TOGARAM1: variants seen among roughly 807,000 people sequenced by gnomAD.
TOGARAM1 encodes TOG array regulator of axonemal microtubules protein 1.
TOGARAM1 carries 100 observed loss-of-function variants against 166.6 expected under a neutral mutation model. That is an observed-to-expected ratio of 0.60 (90% CI 0.51 to 0.71). The LOEUF is 0.71. TOGARAM1 is among the 30% of genes least tolerant of loss of function. The probability of loss-of-function intolerance (pLI) is 0.00; values close to 1 mark genes in which losing one functional copy is unlikely to be tolerated. For synonymous variants in TOGARAM1, 758 were observed against 763.8 expected (o/e 0.99, Z 0.13); for missense variants, 2,029 against 2,102.7 (o/e 0.96, Z 0.69).
In TOGARAM1 at chr14:44,963,471, T is replaced by G. The variant is rs980771741; in HGVS notation, c.1050T>G (p.Ile350Met). The change falls in exon 1 of 20, where the codon ATT becomes ATG. Residue 350 changes from isoleucine to methionine, a missense_variant. Coordinates refer to ENST00000361462, the MANE Select transcript of TOGARAM1 (RefSeq NM_001308120.2). ...CCAACAGCAATCTTAAATTTGGGATTATTCCTCAGGAGCTGCATTCACGAT... is the reference window on the plus strand; with the variant it reads ...CCAACAGCAATCTTAAATTTGGGATGATTCCTCAGGAGCTGCATTCACGAT... Reference protein sequence around the residue: ...TLSNSNLKFGIIPQELHSRLL... With the variant: ...TLSNSNLKFGMIPQELHSRLL... The G allele has an allele frequency of 6.2e-7, 1 of 1,614,176 alleles. No individual in the cohort carries two copies. Among genetic ancestry groups the G allele is most frequent in the Non-Finnish European group, 8.5e-7 (1 of 1,180,034 alleles).
chr14:45,014,101 A>G (rs1262424322), intron 7 of TOGARAM1, among the ~76,000 whole-genome samples: 1 of 144,668 alleles, frequency 6.9e-6, no homozygotes, highest in Non-Finnish European at 1.5e-5. Context: ...GCTAGAGTGC[A>G]GTGGCGTAAT....
In TOGARAM1 at chr14:44,964,377, A is replaced by G; in HGVS notation, c.1956A>G (p.Ala652=). 6.2e-7 allele frequency: 1 copy of G among 1,613,552 alleles called. No individual in the cohort carries two copies. ...PTICTRRVLS[A]GKGKNKLPWE... is the part of the protein sequence containing the mutation. ...TCTGTACCCGAAGGGTATTAAGTGC[A>G]GGAAAAGGAAAAAATAAATTACCAT... The change falls in exon 1 of 20, where the codon GCA becomes GCG. Residue 652 remains alanine (A), a synonymous_variant. Transcript: ENST00000361462.
At chr14:45,002,947 C>G (rs1887754772) in intron 3 of TOGARAM1, among the ~76,000 whole-genome samples, 1 of 152,018 alleles carries the variant, frequency 6.6e-6, no homozygotes, top group Non-Finnish European at 1.5e-5. Context: ...CCACTGCACT[C>G]CAGCCTGGGC....
At position 45,044,154 on chromosome 14, in the gene TOGARAM1, C is replaced by T. The variant is rs1244980313; in HGVS notation, c.3918+363C>T. On this transcript the variant is annotated intron_variant, in intron 12 of 19. Transcript: ENST00000361462. ...TCTCCCAAGTAGCTGGGATTACAGG[C>T]ACACACCACCACACCTGGCTAATTT... Among the ~76,000 whole-genome samples the T allele has an allele frequency of 1.3e-5, 2 of 151,980 alleles. 1 individual carries two copies. The highest frequency in any genetic ancestry group is 2.9e-5 in the Non-Finnish European group (2 of 67,992).
intron 11 of TOGARAM1, among the ~76,000 whole-genome samples, chr14:45,033,971 T>C (rs1306441970): frequency 6.6e-6 from 1 of 152,086 alleles, no homozygotes; most frequent in Non-Finnish European, 1.5e-5. Context: ...CTGGCCAACA[T>C]GGTAAAACCT....
At chr14:44,979,233 C>T (rs1399074225) in intron 1 of TOGARAM1, among the ~76,000 whole-genome samples, 1 of 152,062 alleles carries the variant, frequency 6.6e-6, no homozygotes, top group Admixed American at 6.5e-5. Context: ...GCTGCTGTAA[C>T]AAAATGTCTT....
At chr14:44,965,785 C>G (rs372863808) in intron 1 of TOGARAM1, among the ~76,000 whole-genome samples, 1 of 152,032 alleles carries the variant, frequency 6.6e-6, no homozygotes, top group Admixed American at 6.5e-5. Context: ...AAGAATACCC[C>G]GACAACTTTT....
intron 1 of TOGARAM1, among the ~76,000 whole-genome samples, chr14:44,978,769 T>TTG (rs1886356218): frequency 6.7e-6 from 1 of 148,990 alleles, no homozygotes; most frequent in Non-Finnish European, 1.5e-5. Context: ...CACTGCACAC[T>TTG]AGCCTGGGAG....
chr14:44,974,016 GT>G (rs1288907929), intron 1 of TOGARAM1, among the ~76,000 whole-genome samples: 2 of 151,426 alleles, frequency 1.3e-5, no homozygotes, highest in African/African-American at 2.4e-5. Context: ...CTTTCTCCTG[GT>G]TTTTCTCTGA....
At chr14:44,973,132 T>C (rs1279358094) in intron 1 of TOGARAM1, among the ~76,000 whole-genome samples, 1 of 152,104 alleles carries the variant, frequency 6.6e-6, no homozygotes, top group Non-Finnish European at 1.5e-5. Flanking sequence ...GCTCATGATC[T>C]TTGTTCCTGT....
At chr14:45,059,968 A>G (rs902388319) in intron 16 of TOGARAM1, among the ~76,000 whole-genome samples, 52 of 148,544 alleles carry the variant, frequency 3.5e-4, no homozygotes, top group African/African-American at 1.2e-3. Flanking sequence ...GCTGGAGTGC[A>G]GTGGCGTGAT....
At chr14:45,051,553 CTTTTTTTTTTTTT>C (rs1015760925) in intron 14 of TOGARAM1, among the ~76,000 whole-genome samples, 2 of 90,044 alleles carry the variant, frequency 2.2e-5, no homozygotes, top group Non-Finnish European at 4.1e-5. Context: ...CCAACAGATG[CTTTTTTTTTTTTT>C]TTTTTTTTTT....
At chr14:45,002,640 A>G (rs1280499294) in intron 3 of TOGARAM1, among the ~76,000 whole-genome samples, 3 of 152,178 alleles carry the variant, frequency 2.0e-5, no homozygotes, top group Non-Finnish European at 2.9e-5. Context: ...GTTTTTATGT[A>G]TATGCATAGT....
chr14:44,982,665 TTGA>T (rs1225672877), intron 1 of TOGARAM1, among the ~76,000 whole-genome samples: 1 of 152,004 alleles, frequency 6.6e-6, no homozygotes, highest in Non-Finnish European at 1.5e-5. Context: ...ATGAGGTGAA[TTGA>T]TGAGGAAACA....
intron 10 of TOGARAM1, among the ~76,000 whole-genome samples, chr14:45,029,890 C>T (rs539023971): frequency 1.3e-5 from 2 of 152,208 alleles, no homozygotes; most frequent in South Asian, 2.1e-4. Flanking sequence ...GGCACGATCT[C>T]GGCTCACTGC....
intron 3 of TOGARAM1, among the ~76,000 whole-genome samples, 153 bp from the exon 4 acceptor site, chr14:45,003,908 A>C (rs1887812248): frequency 7.0e-6 from 1 of 141,892 alleles, no homozygotes; most frequent in Non-Finnish European, 1.5e-5. Flanking sequence ...TATTTGAATA[A>C]CACAAATTAA....
chr14:45,003,811 G>GCATTTATGTATGTATATGTATAC (rs1555345506), intron 3 of TOGARAM1, among the ~76,000 whole-genome samples: 1 of 151,884 alleles, frequency 6.6e-6, no homozygotes, highest in African/African-American at 2.4e-5. Flanking sequence ...GTATGTAATT[G>GCATTTATGTATGTATATGTATAC]ATAAAATTAC....
At position 45,065,965 on chromosome 14, in the gene TOGARAM1, T is replaced by C. The variant is rs138524889; in HGVS notation, c.4560-613T>C. Reference sequence around the variant, plus strand: ...TTAGCTCTTCGCTGACATGGGAAACTAGGATTTCAAGAGGATTCCCACTAT... The same window carrying C: ...TTAGCTCTTCGCTGACATGGGAAACCAGGATTTCAAGAGGATTCCCACTAT... On this transcript the variant is annotated intron_variant, in intron 16 of 19. Coordinates refer to ENST00000361462, the MANE Select transcript of TOGARAM1 (RefSeq NM_001308120.2). 5.9e-5 allele frequency among the ~76,000 whole-genome samples: 9 copies of C among 152,286 alleles called. No individual in the cohort carries two copies. The East Asian group carries it at 1.7e-3, about 29-fold the overall frequency.
At chr14:45,059,817 C>A (rs10134071) in intron 16 of TOGARAM1, among the ~76,000 whole-genome samples, 24,324 of 151,964 alleles carry the variant, frequency 0.16, 3,648 homozygotes, top group African/African-American at 0.4. Flanking sequence ...AAAAATAAAG[C>A]TGTATGTGAA....
Sources: gnomAD v4.1 joint callset for allele counts (sites outside exome capture counted in the v4.1 genomes callset) on GRCh38, gnomAD v4.1.1 for gene constraint, MANE v1.5 for transcripts, NCBI Gene and HGNC (gene_info 2026-07-23, HGNC 2026-07-21) for gene names.